The following PDE5A variants were observed in gnomAD, a reference collection of about 807,000 sequenced individuals.
The protein encoded by PDE5A is cGMP-specific 3',5'-cyclic phosphodiesterase.
A neutral mutation model predicts 110.2 loss-of-function variants in PDE5A; 67 were observed. The observed-to-expected ratio is 0.61, with a 90% CI of 0.50 to 0.75. The LOEUF is 0.75. Ranked by LOEUF, PDE5A falls within the 30% of genes least tolerant of loss-of-function variation. The probability of loss-of-function intolerance (pLI) is 0.00; values close to 1 mark genes in which losing one functional copy is unlikely to be tolerated. For missense variants in PDE5A, 862 were observed against 1,045.1 expected (o/e 0.82, Z 2.42); for synonymous variants, 328 against 351.2 (o/e 0.93, Z 0.74).
chr4:119,548,044 A>AT (rs11438089), intron 9 of PDE5A, among the ~76,000 whole-genome samples: 28,533 of 94,774 alleles, frequency 0.3, 5,741 homozygotes, highest in East Asian at 0.39. Flanking sequence ...TTCTCCGTGT[A>AT]TTTTTTTTTT....
intron 4 of PDE5A, among the ~76,000 whole-genome samples, chr4:119,565,719 G>C (rs1219910505): frequency 2.0e-5 from 3 of 151,852 alleles, no homozygotes; most frequent in African/African-American, 7.2e-5. Context: ...ATGATATTAA[G>C]ACTTGGATCT....
At chr4:119,505,986 C>T in intron 16 of PDE5A, 54 bp from the exon 17 acceptor site, 1 of 997,138 alleles carries the variant, frequency 1.0e-6, no homozygotes, top group Non-Finnish European at 1.5e-6. Flanking sequence ...GGGTCTTATC[C>T]CTTTGGTCCA....
rs761983531 is a variant in PDE5A at position 119,505,928 on chromosome 4, G to A, written c.2194C>T (p.Arg732Ter). 8 of 1,552,732 alleles carry A rather than the reference G, an allele frequency of 5.2e-6. No homozygotes were observed. The highest frequency in any genetic ancestry group is 1.2e-5 in the South Asian group (1 of 83,192). ...ATDLALYIKR[R>*]GEFFELIRKN... ...CTTATAAGTTCAAAAAATTCTCCTC[G>A]CCTCCTACAATGTTTAAAAAAAAAT... Residue 732 changes from arginine to a stop codon, truncating the protein, a stop_gained, in exon 17 of 21, where the codon CGA (arginine) becomes TGA (stop). Coordinates refer to ENST00000354960, the MANE Select transcript of PDE5A (RefSeq NM_001083.4). LOFTEE classifies it high-confidence loss of function.
intron 1 of PDE5A, among the ~76,000 whole-genome samples, chr4:119,610,915 C>A (rs916964355): frequency 6.6e-6 from 1 of 152,162 alleles, no homozygotes; most frequent in South Asian, 2.1e-4. Context: ...CTCCACACAG[C>A]AGCCACAGTA....
At chr4:119,500,790 A>AGAG (rs1423123848) in intron 20 of PDE5A, 5 of 155,192 alleles carry the variant, frequency 3.2e-5, no homozygotes, top group African/African-American at 1.2e-4. Context: ...TTTTATAACT[A>AGAG]GAGTAAAGCC....
intron 2 of PDE5A, among the ~76,000 whole-genome samples, chr4:119,600,205 G>A (rs4834786): frequency 0.97 from 147,741 of 151,990 alleles, 71,943 homozygotes; most frequent in South Asian, 1. Context: ...TATAAAAAGA[G>A]TAAGGAAGCC....
At chr4:119,524,265 G>A (rs1437538259) in intron 12 of PDE5A, among the ~76,000 whole-genome samples, 1 of 152,068 alleles carries the variant, frequency 6.6e-6, no homozygotes, top group African/African-American at 2.4e-5. Flanking sequence ...AGTAGCAGAG[G>A]TATGACTCAA....
chr4:119,581,273 T>G (rs368059607), intron 3 of PDE5A, among the ~76,000 whole-genome samples: 6 of 152,146 alleles, frequency 3.9e-5, no homozygotes, highest in African/African-American at 1.4e-4. Context: ...AAAATTAAAG[T>G]TGGTATCAAA....
rs766603251 is a variant in PDE5A at position 119,565,333 on chromosome 4, G to A, written c.981C>T (p.Asn327=). 1.2e-6 allele frequency: 2 copies of A among 1,608,582 alleles called. No individual in the cohort carries two copies. Among genetic ancestry groups the A allele is most frequent in the Non-Finnish European group, 1.7e-6 (2 of 1,175,834 alleles). Residue 327 remains asparagine, a synonymous_variant, in exon 5 of 21, where the codon AAC becomes AAT. Transcript: ENST00000354960. ...TAATCAGACTGACCTGATTTCTCTT[G>A]TTCTCCAGCAGTGAAGTCTCATAGA... ...AQLYETSLLE[N]KRNQVLLDLA... is the part of the protein sequence containing the mutation.
At chr4:119,512,488 T>TA (rs1397818215) in intron 14 of PDE5A, 1 of 152,106 alleles carries the variant, frequency 6.6e-6, no homozygotes, top group African/African-American at 2.4e-5. Flanking sequence ...CTATGGGAGT[T>TA]AGTTAGGAGA....
At chr4:119,594,788 G>T (rs762934307) in intron 3 of PDE5A, among the ~76,000 whole-genome samples, 2 of 152,188 alleles carry the variant, frequency 1.3e-5, no homozygotes, top group Non-Finnish European at 1.5e-5. Context: ...TGACTACTGA[G>T]AAGTAACTGA....
intron 3 of PDE5A, among the ~76,000 whole-genome samples, chr4:119,577,393 T>C (rs190549580): frequency 1.2e-4 from 19 of 152,242 alleles, no homozygotes; most frequent in Admixed American, 2.6e-4. Flanking sequence ...AAAAAGAGAA[T>C]TTTACACCAA....
At chr4:119,566,446 G>T (rs946509355) in intron 4 of PDE5A, among the ~76,000 whole-genome samples, 2 of 152,108 alleles carry the variant, frequency 1.3e-5, no homozygotes, top group Admixed American at 6.6e-5. Context: ...CCTACTCATA[G>T]AATGAATTTA....
chr4:119,607,744 A>C (rs988653263), intron 1 of PDE5A, among the ~76,000 whole-genome samples: 5 of 151,200 alleles, frequency 3.3e-5, no homozygotes, highest in East Asian at 1.9e-4. Flanking sequence ...GACTCTCTCA[A>C]AAAAAAAAGA....
At chr4:119,598,076 T>G (rs1288774022) in intron 2 of PDE5A, among the ~76,000 whole-genome samples, 2 of 152,070 alleles carry the variant, frequency 1.3e-5, no homozygotes, top group African/African-American at 4.8e-5. Context: ...AAGTGAAAAA[T>G]TATTGATATA....
chr4:119,539,047 T>TA, intron 10 of PDE5A, 28 bp from the exon 11 acceptor site: 1 of 1,571,064 alleles, frequency 6.4e-7, no homozygotes, highest in South Asian at 1.1e-5. Context: ...AAGTCCAGGT[T>TA]ACACAGGAGA....
At chr4:119,508,063 T>A (rs1019033157) in intron 15 of PDE5A, among the ~76,000 whole-genome samples, 3 of 152,004 alleles carry the variant, frequency 2.0e-5, no homozygotes, top group African/African-American at 7.2e-5. Context: ...TTAATGGATA[T>A]GAAGAAAGAA....
intron 10 of PDE5A, among the ~76,000 whole-genome samples, chr4:119,541,034 G>C (rs1286593805): frequency 6.6e-6 from 1 of 152,090 alleles, no homozygotes; most frequent in Admixed American, 6.6e-5. Flanking sequence ...TACAATGTCT[G>C]GGATTGCTTC....
chr4:119,502,776 G>T, intron 18 of PDE5A, 121 bp from the exon 19 acceptor site: 1 of 646,880 alleles, frequency 1.5e-6, no homozygotes. Flanking sequence ...ATAAGCAGCA[G>T]CTTGATACCC....
Sources: allele counts gnomAD v4.1 joint callset (sites outside exome capture counted in the v4.1 genomes callset), GRCh38; gene constraint gnomAD v4.1.1; transcripts MANE v1.5; gene names NCBI Gene and HGNC (gene_info 2026-07-23, HGNC 2026-07-21).